The following GLIS3 variants were observed in gnomAD, a reference collection of about 807,000 sequenced individuals.
GLIS3 encodes the protein GLIS family zinc finger 3.
GLIS3 carries 53 observed loss-of-function variants against 78.6 expected under a neutral mutation model. That is an observed-to-expected ratio of 0.67 (90% CI 0.54 to 0.85). The LOEUF (loss-of-function observed/expected upper bound fraction) is 0.85. Among genes scored for constraint, GLIS3 ranks in the 40% least tolerant of loss-of-function variants. GLIS3 has a pLI of 0.00. For synonymous variants in GLIS3, 684 were observed against 509.9 expected, an observed-to-expected ratio of 1.34 and a Z score of -4.60; for missense variants, 1,703 against 1,231.1, an observed-to-expected ratio of 1.38 and a Z score of -5.74.
At chr9:4,029,606 C>T (rs1175496295) in intron 4 of GLIS3, among the ~76,000 whole-genome samples, 1 of 151,906 alleles carries the variant, frequency 6.6e-6, no homozygotes, top group Non-Finnish European at 1.5e-5. Context: ...AAGCCCCCCA[C>T]CACCCTTCTC....
the GLIS3 span, among the ~76,000 whole-genome samples, chr9:4,472,701 A>G: frequency 1.3e-5 from 2 of 152,144 alleles, no homozygotes; most frequent in Non-Finnish European, 2.9e-5. Context: ...GCACATGTAC[A>G]CCTATGTAAC....
At chr9:4,295,552 A>AT (rs891850594) in intron 1 of GLIS3, among the ~76,000 whole-genome samples, 9 of 152,154 alleles carry the variant, frequency 5.9e-5, no homozygotes, top group African/African-American at 1.7e-4. Context: ...TTTACACAAG[A>AT]TTTTTTTTAA....
At chr9:4,260,982 G>A (rs148890058) in intron 2 of GLIS3, among the ~76,000 whole-genome samples, 7 of 152,222 alleles carry the variant, frequency 4.6e-5, no homozygotes, top group African/African-American at 1.7e-4. Flanking sequence ...TACATCCATG[G>A]CTCACATTTG....
the GLIS3 span, among the ~76,000 whole-genome samples, chr9:4,443,870 G>A: frequency 6.6e-6 from 1 of 152,194 alleles, no homozygotes; most frequent in African/African-American, 2.4e-5. Flanking sequence ...TTGGCTCAAA[G>A]AAGTCAAAAT....
intron 2 of GLIS3, among the ~76,000 whole-genome samples, chr9:4,141,756 A>G (rs187778444): frequency 1.8e-4 from 28 of 152,368 alleles, no homozygotes; most frequent in Non-Finnish European, 3.4e-4. Flanking sequence ...TGGCTCAGAA[A>G]ATTTGTCATT....
intron 4 of GLIS3, among the ~76,000 whole-genome samples, chr9:3,982,224 T>C (rs528099352): frequency 2.6e-5 from 4 of 152,118 alleles, no homozygotes; most frequent in Non-Finnish European, 5.9e-5. Flanking sequence ...TTTTTTTTTT[T>C]CCTACATAGC....
chr9:4,421,042 A>G, the GLIS3 span, among the ~76,000 whole-genome samples: 1 of 152,094 alleles, frequency 6.6e-6, no homozygotes, highest in Non-Finnish European at 1.5e-5. Flanking sequence ...CATATTAAGA[A>G]TTTTTCTGAG....
At chr9:4,179,360 A>C (rs982540017) in intron 2 of GLIS3, among the ~76,000 whole-genome samples, 1 of 152,230 alleles carries the variant, frequency 6.6e-6, no homozygotes, top group East Asian at 1.9e-4. Flanking sequence ...ACTTGCAGTC[A>C]AATTACAAAA....
At chr9:4,131,237 G>C (rs570729076) in intron 2 of GLIS3, among the ~76,000 whole-genome samples, 1 of 152,258 alleles carries the variant, frequency 6.6e-6, no homozygotes, top group African/African-American at 2.4e-5. Context: ...TGTCTCAGAT[G>C]AATCTTTAGA....
chr9:4,023,133 C>A (rs1823024171), intron 4 of GLIS3, among the ~76,000 whole-genome samples: 1 of 152,114 alleles, frequency 6.6e-6, no homozygotes, highest in South Asian at 2.1e-4. Flanking sequence ...ATATTGAACT[C>A]CAGTGATCAA....
At chr9:4,198,304 G>T (rs1024215845) in intron 2 of GLIS3, among the ~76,000 whole-genome samples, 1 of 152,146 alleles carries the variant, frequency 6.6e-6, no homozygotes, top group Non-Finnish European at 1.5e-5. Flanking sequence ...ATCTTAAAAA[G>T]AAATTAATCA....
At chr9:4,045,345 A>T (rs4527931) in intron 4 of GLIS3, among the ~76,000 whole-genome samples, 32,144 of 149,106 alleles carry the variant, frequency 0.22, 4,112 homozygotes, top group African/African-American at 0.36. Context: ...AAATGAAAAA[A>T]TTTTTTTTGA....
intron 4 of GLIS3, among the ~76,000 whole-genome samples, chr9:4,089,255 A>G (rs1015675333): frequency 3.3e-5 from 5 of 152,208 alleles, no homozygotes; most frequent in African/African-American, 1.2e-4. Context: ...CAAGACACGT[A>G]TCACCTCTGA....
At chr9:4,425,201 G>C in the GLIS3 span, among the ~76,000 whole-genome samples, 20 of 152,296 alleles carry the variant, frequency 1.3e-4, no homozygotes, top group African/African-American at 4.1e-4. Context: ...ATTTACATGA[G>C]AGCGATATAA....
At chr9:4,117,545 T>A (rs920507702) in intron 4 of GLIS3, among the ~76,000 whole-genome samples, 6 of 152,214 alleles carry the variant, frequency 3.9e-5, no homozygotes, top group African/African-American at 1.4e-4. Flanking sequence ...ACTGATCACC[T>A]GCTGGGATGG....
At chr9:4,405,935 C>T in the GLIS3 span, among the ~76,000 whole-genome samples, 1 of 152,190 alleles carries the variant, frequency 6.6e-6, no homozygotes, top group African/African-American at 2.4e-5. Flanking sequence ...CAATGTGACA[C>T]ATCATATCAA....
chr9:3,894,463 G>T (rs1268375106), intron 7 of GLIS3, among the ~76,000 whole-genome samples: 2 of 152,000 alleles, frequency 1.3e-5, no homozygotes, highest in African/African-American at 4.8e-5. Flanking sequence ...TAAGAATGTA[G>T]AAAACATATT....
chr9:4,373,602 A>G, the GLIS3 span, among the ~76,000 whole-genome samples: 1 of 152,174 alleles, frequency 6.6e-6, no homozygotes, highest in Non-Finnish European at 1.5e-5. Context: ...TGGGAGCTAA[A>G]AAAATACTTC....
chr9:4,203,810 C>G (rs984243673), intron 2 of GLIS3, among the ~76,000 whole-genome samples: 11 of 152,170 alleles, frequency 7.2e-5, no homozygotes, highest in Non-Finnish European at 1.3e-4. Context: ...TTTACAGCAA[C>G]ATGGATGCAG....
Sources: gnomAD v4.1 joint callset for allele counts (sites outside exome capture counted in the v4.1 genomes callset) on GRCh38, gnomAD v4.1.1 for gene constraint, MANE v1.5 for transcripts, NCBI Gene and HGNC (gene_info 2026-07-23, HGNC 2026-07-21) for gene names.